The following PREX2 variants were observed in gnomAD, a reference collection of about 807,000 sequenced individuals.
PREX2 encodes the protein phosphatidylinositol 3,4,5-trisphosphate-dependent Rac exchanger 2 protein.
PREX2 carries 107 observed loss-of-function variants against 203.2 expected under a neutral mutation model. The observed-to-expected ratio is 0.53, with a 90% CI of 0.45 to 0.62. The LOEUF is 0.62. PREX2 is among the 20% of genes least tolerant of loss of function. PREX2 has a pLI of 0.00. For synonymous variants in PREX2, 672 were observed against 663.6 expected (o/e 1.01, Z -0.19); for missense variants, 1,777 against 1,955.9 (o/e 0.91, Z 1.72).
At chr8:68,105,189 G>C in intron 23 of PREX2, 1 of 1,367,784 alleles carries the variant, frequency 7.3e-7, no homozygotes, top group Non-Finnish European at 9.8e-7. Context: ...TGCTGTCTGG[G>C]AGCACAGTTT....
At chr8:68,195,942 T>C (rs547211708) in intron 37 of PREX2, among the ~76,000 whole-genome samples, 65 of 152,294 alleles carry the variant, frequency 4.3e-4, no homozygotes, top group African/African-American at 1.5e-3. Flanking sequence ...TTAATTAACA[T>C]TAATGTCTAG....
At position 68,218,987 on chromosome 8, in the gene PREX2, T is replaced by G. The variant is rs568149113; in HGVS notation, c.4707+1269T>G. Among the ~76,000 whole-genome samples, 83 of 152,316 alleles carry G rather than the reference T, an allele frequency of 5.4e-4. 1 individual carries two copies. The Middle Eastern group carries it at 0.027, about 50-fold the overall frequency. On this transcript the variant is annotated intron_variant, in intron 38 of 39. Coordinates refer to ENST00000288368, the MANE Select transcript of PREX2 (RefSeq NM_024870.4). ...TATATACAAATTATGTTTTAAAAAGTAGATCCAGGTAAACTTATGATTATC... is the reference window on the plus strand; with the variant it reads ...TATATACAAATTATGTTTTAAAAAGGAGATCCAGGTAAACTTATGATTATC...
chr8:68,072,350 A>G (rs1186775008), intron 13 of PREX2, 145 bp from the exon 14 acceptor site: 2 of 524,436 alleles, frequency 3.8e-6, no homozygotes, highest in Non-Finnish European at 6.7e-6. Context: ...TCTTATTTGC[A>G]TGTAATTTGG....
Position 68,030,643 on chromosome 8 carries a change from C to T in PREX2, c.690C>T (p.His230=), listed in dbSNP as rs1424622283. 1 of 1,613,510 alleles carries T rather than the reference C, an allele frequency of 6.2e-7. No homozygotes were observed. The highest frequency in any genetic ancestry group is 1.7e-5 in the Admixed American group (1 of 59,988). Residue 230 remains histidine, a synonymous_variant, in exon 6 of 40, where the codon CAC becomes CAT. Transcript: ENST00000288368. ...AAGTTTTAGAGGAATGGCAGTCTCA[C>T]ATTGAAGGCTGGGAGGTACATTCAC... The part of the protein sequence containing the change: ...KLEVLEEWQS[H]IEGWEGSNIT...
chr8:67,976,607 GAGAGAC>G (rs1160965180), intron 1 of PREX2, among the ~76,000 whole-genome samples: 2 of 134,230 alleles, frequency 1.5e-5, no homozygotes, highest in Non-Finnish European at 3.2e-5. Flanking sequence ...GACAGAGAGA[GAGAGAC>G]AGAGACAGAG....
At chr8:68,013,882 T>A (rs907416277) in intron 1 of PREX2, among the ~76,000 whole-genome samples, 1 of 152,102 alleles carries the variant, frequency 6.6e-6, no homozygotes, top group African/African-American at 2.4e-5. Flanking sequence ...AGTAATAAGG[T>A]TTAGTGCTGT....
In PREX2 at chr8:68,235,213, T is replaced by C. The variant is rs1243034720; in HGVS notation, c.*3835T>C. On this transcript the variant is annotated 3_prime_UTR_variant, in exon 40 of 40. Transcript: ENST00000288368. ...ATTCACTTATACTTCTGAAAAGCCA[T>C]AATATTGAAATTTAAAATGAATAGT... is the stretch of plus-strand genomic sequence containing the variant. 1.3e-5 allele frequency: 2 copies of C among 152,144 alleles called. No individual in the cohort carries two copies. Among genetic ancestry groups the C allele is most frequent in the Non-Finnish European group, 2.9e-5 (2 of 68,010 alleles). 9.4% of individuals were successfully genotyped at this position (152,144 alleles called of 1,614,324 possible). A position where few individuals can be genotyped will look rare whatever the true frequency, so the allele number is the denominator to read the frequency against.
chr8:68,217,881 G>A (rs1812874609), intron 38 of PREX2, among the ~76,000 whole-genome samples, 163 bp downstream of exon 38: 1 of 152,256 alleles, frequency 6.6e-6, no homozygotes, highest in African/African-American at 2.4e-5. Context: ...AGAAGATGCT[G>A]CAGGCACCAG....
At chr8:67,993,557 C>A (rs1259846187) in intron 1 of PREX2, among the ~76,000 whole-genome samples, 1 of 152,030 alleles carries the variant, frequency 6.6e-6, no homozygotes, top group Non-Finnish European at 1.5e-5. Flanking sequence ...CAGGTGCCTG[C>A]TGCTACTGCC....
intron 1 of PREX2, among the ~76,000 whole-genome samples, chr8:68,011,942 C>T (rs566779134): frequency 2.0e-5 from 3 of 152,254 alleles, no homozygotes; most frequent in African/African-American, 7.2e-5. Context: ...TCACTGCAGT[C>T]ATCTCAATAA....
At chr8:68,158,064 T>TATATATGTATATATATATTCAC (rs1811576646) in intron 35 of PREX2, among the ~76,000 whole-genome samples, 1 of 48,648 alleles carries the variant, frequency 2.1e-5, no homozygotes, top group Non-Finnish European at 4.8e-5. Flanking sequence ...TGTGTGTGAA[T>TATATATGTATATATATATTCAC]ATATATATGT....
intron 4 of PREX2, among the ~76,000 whole-genome samples, chr8:68,025,261 C>T (rs1807685634): frequency 6.6e-6 from 1 of 151,688 alleles, no homozygotes; most frequent in Non-Finnish European, 1.5e-5. Flanking sequence ...GATAGTTTTA[C>T]TTGGACATAG....
chr8:68,060,052 A>C (rs183880602), intron 10 of PREX2, among the ~76,000 whole-genome samples: 1 of 152,184 alleles, frequency 6.6e-6, no homozygotes, highest in Non-Finnish European at 1.5e-5. Flanking sequence ...TGGAGTTTTA[A>C]TTACATATGC....
Position 68,134,207 on chromosome 8 carries a change from G to A in PREX2, c.3915G>A (p.Arg1305=), listed in dbSNP as rs1811065122. The change falls in exon 32 of 40, where the codon AGG becomes AGA. Residue 1305 remains arginine, a synonymous_variant. Coordinates refer to ENST00000288368, the MANE Select transcript of PREX2 (RefSeq NM_024870.4). ...ENEMETWEAS[R]RWLDQIANAG... is the part of the protein sequence containing the mutation. ...AGATGGAAACTTGGGAAGCCAGCAG[G>A]AGGTGGCTGGACCAGATAGCGAATG... 4.3e-6 allele frequency: 7 copies of A among 1,614,132 alleles called. No homozygotes were observed. Among genetic ancestry groups the A allele is most frequent in the Non-Finnish European group, 5.9e-6 (7 of 1,179,996 alleles).
intron 19 of PREX2, among the ~76,000 whole-genome samples, chr8:68,088,265 T>G (rs2129612130): frequency 6.6e-6 from 1 of 152,328 alleles, no homozygotes; most frequent in Admixed American, 6.5e-5. Flanking sequence ...TTAAATTCAA[T>G]AATTTTAGTG....
chr8:68,213,677 A>G (rs978686451), intron 37 of PREX2, among the ~76,000 whole-genome samples: 10 of 152,198 alleles, frequency 6.6e-5, no homozygotes, highest in African/African-American at 2.4e-4. Context: ...AGTACAAAAT[A>G]TGTCAAGGAG....
intron 34 of PREX2, among the ~76,000 whole-genome samples, chr8:68,148,937 A>C (rs1811379246): frequency 6.6e-6 from 1 of 152,222 alleles, no homozygotes; most frequent in Admixed American, 6.5e-5. Context: ...AATCAGACCT[A>C]GTTTGAGTAG....
At chr8:67,964,686 G>A (rs572293040) in intron 1 of PREX2, among the ~76,000 whole-genome samples, 2 of 151,740 alleles carry the variant, frequency 1.3e-5, no homozygotes, top group South Asian at 4.2e-4. Context: ...GTGATTTTAT[G>A]TAATTTTAAA....
intron 7 of PREX2, among the ~76,000 whole-genome samples, chr8:68,041,261 A>G (rs1276360828): frequency 6.6e-6 from 1 of 152,138 alleles, no homozygotes; most frequent in African/African-American, 2.4e-5. Flanking sequence ...TAGAGACACA[A>G]AACCGATTGA....
Sources: gnomAD v4.1 joint callset for allele counts (sites outside exome capture counted in the v4.1 genomes callset) on GRCh38, gnomAD v4.1.1 for gene constraint, MANE v1.5 for transcripts, NCBI Gene and HGNC (gene_info 2026-07-23, HGNC 2026-07-21) for gene names.